DSCAM: variants seen among roughly 807,000 people sequenced by gnomAD.
DSCAM encodes cell adhesion molecule DSCAM.
In DSCAM, 47 loss-of-function variants were observed where a neutral mutation model predicts 217.7. That is an observed-to-expected ratio of 0.22 (90% CI 0.17 to 0.28). DSCAM has a LOEUF of 0.28. Among genes scored for constraint, DSCAM ranks in the 10% least tolerant of loss-of-function variants. DSCAM has a pLI of 1.00. For missense variants in DSCAM, 2,080 were observed against 2,618.3 expected (o/e 0.79, Z 4.49); for synonymous variants, 1,056 against 1,015.3 (o/e 1.04, Z -0.76).
intron 3 of DSCAM, among the ~76,000 whole-genome samples, chr21:40,425,023 G>C (rs1302676660): frequency 6.6e-6 from 1 of 152,036 alleles, no homozygotes; most frequent in Non-Finnish European, 1.5e-5. Context: ...GCTTGAACCT[G>C]GGGGGTGGAG....
At position 40,623,676 on chromosome 21, in the gene DSCAM, C is replaced by T. The variant is rs576259212; in HGVS notation, c.508+69134G>A. On this transcript the variant is annotated intron_variant, in intron 3 of 32. Transcript: ENST00000400454. ...AAACAAATCTGTGCAGAAGGGCTCA[C>T]CTTTGAAAGAAAGGCCTCTACAAAT... Among the ~76,000 whole-genome samples the T allele has an allele frequency of 6.6e-5, 10 of 152,254 alleles. No homozygotes were observed. In the East Asian group the frequency reaches 1.7e-3, roughly 26 times the overall value.
At chr21:40,683,784 G>C (rs2090443420) in intron 3 of DSCAM, among the ~76,000 whole-genome samples, 1 of 152,144 alleles carries the variant, frequency 6.6e-6, no homozygotes, top group African/African-American at 2.4e-5. Flanking sequence ...AGAGTGAAAA[G>C]TTACGATCCT....
chr21:40,410,362 G>A (rs11910272), intron 3 of DSCAM, among the ~76,000 whole-genome samples: 15,008 of 151,936 alleles, frequency 0.099, 1,408 homozygotes, highest in African/African-American at 0.25. Context: ...ATGACTTGAA[G>A]TGTAATATCA....
chr21:40,312,962 A>T (rs917484649), intron 8 of DSCAM, among the ~76,000 whole-genome samples: 4 of 151,790 alleles, frequency 2.6e-5, no homozygotes, highest in Non-Finnish European at 5.9e-5. Context: ...ACATTTTTTT[A>T]AAAAATTAGC....
chr21:40,523,980 G>C (rs1227804404), intron 3 of DSCAM, among the ~76,000 whole-genome samples: 1 of 152,066 alleles, frequency 6.6e-6, no homozygotes, highest in African/African-American at 2.4e-5. Context: ...GGGGACAAAG[G>C]GACTTTTCCC....
intron 27 of DSCAM, among the ~76,000 whole-genome samples, chr21:40,071,203 G>A (rs117290853): frequency 2.0e-5 from 3 of 152,224 alleles, no homozygotes; most frequent in East Asian, 3.9e-4. Context: ...CACTTCAAAG[G>A]ATCTAGAAGT....
At chr21:40,705,547 T>C (rs931622647) in intron 2 of DSCAM, among the ~76,000 whole-genome samples, 1 of 152,116 alleles carries the variant, frequency 6.6e-6, no homozygotes, top group Admixed American at 6.5e-5. Flanking sequence ...AAACGTACAA[T>C]CATGGCATAA....
chr21:40,538,767 G>A (rs2076520004), intron 3 of DSCAM, among the ~76,000 whole-genome samples: 1 of 152,152 alleles, frequency 6.6e-6, no homozygotes, highest in African/African-American at 2.4e-5. Context: ...ATTGCTTGAT[G>A]AGACTGGGGA....
rs148931412 is a variant in DSCAM at position 40,839,569 on chromosome 21, A to G, written c.43+7050T>C. Among the ~76,000 whole-genome samples, 450 of 152,266 alleles carry G rather than the reference A, an allele frequency of 3.0e-3. 7 individuals are homozygous for G. The highest frequency in any genetic ancestry group is 9.9e-3 in the African/African-American group (410 of 41,550). ...GCCTAACATAGACTTAAAGACTGAG[A>G]GCACTTCTAGAATATTCTGCAGAGA... On this transcript the variant is annotated intron_variant, in intron 1 of 32. Coordinates refer to ENST00000400454, the MANE Select transcript of DSCAM (RefSeq NM_001389.5).
chr21:40,834,690 A>G (rs934336356), intron 1 of DSCAM, among the ~76,000 whole-genome samples: 15 of 152,242 alleles, frequency 9.9e-5, no homozygotes, highest in Admixed American at 7.8e-4. Flanking sequence ...GTGTGCCCTG[A>G]GCAGGCAAGA....
chr21:40,670,470 G>A (rs1005801001), intron 3 of DSCAM, among the ~76,000 whole-genome samples: 11 of 150,040 alleles, frequency 7.3e-5, no homozygotes, highest in African/African-American at 2.4e-4. Flanking sequence ...CCCGGGAGGC[G>A]GAGGTTGCAG....
intron 20 of DSCAM, among the ~76,000 whole-genome samples, chr21:40,111,546 A>G (rs2089899226): frequency 2.0e-5 from 3 of 152,338 alleles, no homozygotes; most frequent in African/African-American, 7.2e-5. Flanking sequence ...TGATGACAGG[A>G]TCAAATTCAC....
intron 1 of DSCAM, among the ~76,000 whole-genome samples, chr21:40,761,383 C>G (rs892584561): frequency 1.6e-4 from 24 of 151,926 alleles, no homozygotes; most frequent in African/African-American, 5.6e-4. Context: ...CTCTCTCTCT[C>G]TCCCTCCCGC....
intron 11 of DSCAM, among the ~76,000 whole-genome samples, chr21:40,215,897 C>T (rs2091238283): frequency 6.7e-6 from 1 of 148,472 alleles, no homozygotes; most frequent in African/African-American, 2.5e-5. Flanking sequence ...ATTTTGTCTA[C>T]ATTCTGTATA....
chr21:40,083,881 T>A (rs749718913), intron 24 of DSCAM, 27 bp downstream of exon 24: 2 of 1,569,574 alleles, frequency 1.3e-6, no homozygotes, highest in African/African-American at 1.4e-5. Context: ...ACTAATCAAC[T>A]ATTGTGGACA....
In DSCAM at chr21:40,013,150, C is replaced by G. The variant is rs2088090773; in HGVS notation, c.5923G>C (p.Glu1975Gln). The G allele has an allele frequency of 4.3e-6, 7 of 1,613,474 alleles. No homozygotes were observed. The highest frequency in any genetic ancestry group is 2.2e-5 in the East Asian group (1 of 44,870). The change falls in exon 33 of 33, where the codon GAG becomes CAG. Residue 1975 changes from glutamate to glutamine, a missense_variant. Around this residue, in one of 5 missense-constraint regions of DSCAM, gnomAD observed 145 missense variants for 138.5 expected, o/e 1.05. Transcript: ENST00000400454. Reference protein sequence around the residue: ...PGAVATLPQREGAELGQAAKM... With the variant: ...PGAVATLPQRQGAELGQAAKM... ...GCTGCCTGTCCCAGCTCTGCTCCCT[C>G]CCGCTGAGGTAATGTGGCCACGGCC...
chr21:40,440,225 T>C (rs1374253359), intron 3 of DSCAM, among the ~76,000 whole-genome samples: 1 of 152,112 alleles, frequency 6.6e-6, no homozygotes, highest in East Asian at 1.9e-4. Context: ...GAGAGACACA[T>C]GGAAGGAGAC....
chr21:40,698,906 G>C (rs2090624701), intron 2 of DSCAM, among the ~76,000 whole-genome samples: 1 of 148,358 alleles, frequency 6.7e-6, no homozygotes, highest in South Asian at 2.1e-4. Flanking sequence ...AGTCGCTTCT[G>C]CTGTTCTTCG....
At chr21:40,136,142 A>C (rs1257231124) in intron 18 of DSCAM, among the ~76,000 whole-genome samples, 1 of 152,174 alleles carries the variant, frequency 6.6e-6, no homozygotes, top group Non-Finnish European at 1.5e-5. Flanking sequence ...ATCTCAACGG[A>C]GGGCTTACGA....
Sources: allele counts gnomAD v4.1 joint callset (sites outside exome capture counted in the v4.1 genomes callset), GRCh38; gene constraint gnomAD v4.1.1; regional missense constraint gnomAD v4.1.1; transcripts MANE v1.5; gene names NCBI Gene and HGNC (gene_info 2026-07-23, HGNC 2026-07-21).